The following RASEF variants were observed in gnomAD, a reference collection of about 807,000 sequenced individuals.
The protein encoded by RASEF is RAS and EF-hand domain containing, also known as ras and EF-hand domain-containing protein.
In RASEF, 68 loss-of-function variants were observed where a neutral mutation model predicts 90.1. That is an observed-to-expected ratio of 0.75 (90% CI 0.62 to 0.92). The LOEUF is 0.92. Ranked by LOEUF, RASEF falls within the 40% of genes least tolerant of loss-of-function variation. The probability of loss-of-function intolerance (pLI) is 0.00; values close to 1 mark genes in which losing one functional copy is unlikely to be tolerated. For synonymous variants in RASEF, 331 were observed against 345.2 expected, an observed-to-expected ratio of 0.96 and a Z score of 0.46; for missense variants, 949 against 937.2, an observed-to-expected ratio of 1.01 and a Z score of -0.16.
the RASEF span, among the ~76,000 whole-genome samples, chr9:83,187,846 C>T: frequency 6.6e-6 from 1 of 152,170 alleles, no homozygotes; most frequent in Admixed American, 6.5e-5. Flanking sequence ...CACAGCTACT[C>T]GATACTTTGC....
In RASEF at chr9:83,063,142, T is replaced by A. The variant is rs995602475; in HGVS notation, c.-275A>T. 8.9e-5 allele frequency: 38 copies of A among 424,982 alleles called. No homozygotes were observed. Among genetic ancestry groups the A allele is most frequent in the African/African-American group, 7.7e-4 (37 of 48,070 alleles). The allele number at this position is 424,982 out of a possible 1,614,324, so 26.3% of individuals were successfully genotyped here. ...ACCGCCAAGGAGCGCCTCCTGCGAC[T>A]GAGCGCCCAAGCGCCGAGGTGGCTC... On this transcript the variant is annotated 5_prime_UTR_variant, in exon 1 of 17. Coordinates refer to ENST00000376447, the MANE Select transcript of RASEF (RefSeq NM_152573.4).
chr9:83,013,524 A>G (rs1354238357), intron 4 of RASEF, among the ~76,000 whole-genome samples: 3 of 152,262 alleles, frequency 2.0e-5, no homozygotes, highest in African/African-American at 7.2e-5. Context: ...AATCAAGGAC[A>G]CAGTTAGTGG....
intron 3 of RASEF, among the ~76,000 whole-genome samples, chr9:83,016,483 C>T (rs1829345484): frequency 6.6e-6 from 1 of 151,766 alleles, no homozygotes; most frequent in Non-Finnish European, 1.5e-5. Context: ...GCTGAAACAT[C>T]TCTAAATTTA....
the RASEF span, among the ~76,000 whole-genome samples, chr9:83,207,086 A>G: frequency 2.0e-5 from 3 of 152,286 alleles, no homozygotes; most frequent in African/African-American, 7.2e-5. Context: ...TGCTCCGCAC[A>G]TGGAAATAGC....
the RASEF span, among the ~76,000 whole-genome samples, chr9:83,217,770 T>C: frequency 6.6e-6 from 1 of 152,224 alleles, no homozygotes; most frequent in Non-Finnish European, 1.5e-5. Flanking sequence ...ATACATTCGG[T>C]TTCCTCATTC....
rs145227089 is a variant in RASEF, at chr9:83,026,447, G to C, written c.432-526C>G. Among the ~76,000 whole-genome samples, 543 of 152,200 alleles carry C rather than the reference G, an allele frequency of 3.6e-3. 4 individuals are homozygous for C. The highest frequency in any genetic ancestry group is 0.012 in the African/African-American group (502 of 41,528). On this transcript the variant is annotated intron_variant, in intron 1 of 16. Coordinates refer to ENST00000376447, the MANE Select transcript of RASEF (RefSeq NM_152573.4). ...GGAAACTTACAAACATGGCAGAAGG[G>C]GAAGCAAGGATCTTCTTCACATGGT...
the RASEF span, among the ~76,000 whole-genome samples, chr9:83,176,765 C>T: frequency 1.3e-5 from 2 of 151,948 alleles, no homozygotes; most frequent in Non-Finnish European, 2.9e-5. Flanking sequence ...ATAGCTCTAT[C>T]ACCCTTTTCC....
At chr9:83,141,749 G>A in the RASEF span, among the ~76,000 whole-genome samples, 4 of 152,172 alleles carry the variant, frequency 2.6e-5, no homozygotes, top group Admixed American at 1.3e-4. Flanking sequence ...TGATGGTCTT[G>A]GTGATTAGGG....
chr9:83,109,195 C>A, the RASEF span, among the ~76,000 whole-genome samples: 1 of 152,164 alleles, frequency 6.6e-6, no homozygotes, highest in African/African-American at 2.4e-5. Flanking sequence ...TCTATTTAGC[C>A]CCCGTGGTGC....
chr9:83,135,501 A>C, the RASEF span, among the ~76,000 whole-genome samples: 4 of 152,260 alleles, frequency 2.6e-5, no homozygotes, highest in Admixed American at 1.3e-4. Context: ...AATTTAAAAA[A>C]TAAATAAATA....
chr9:83,181,259 A>G, the RASEF span, among the ~76,000 whole-genome samples: 2 of 151,936 alleles, frequency 1.3e-5, no homozygotes, highest in Non-Finnish European at 2.9e-5. Context: ...CTTGAGAGGC[A>G]TAAGAGTCAC....
chr9:83,146,716 C>A, the RASEF span, among the ~76,000 whole-genome samples: 2 of 152,154 alleles, frequency 1.3e-5, no homozygotes, highest in Admixed American at 1.3e-4. Flanking sequence ...TTTAAACAGT[C>A]ATTGTATCTA....
chr9:83,090,912 A>C, the RASEF span, among the ~76,000 whole-genome samples: 1 of 152,108 alleles, frequency 6.6e-6, no homozygotes. Context: ...TCCAGAGAAT[A>C]ATAATAAAGT....
At chr9:82,997,402 T>C (rs1828941801) in intron 13 of RASEF, among the ~76,000 whole-genome samples, 1 of 152,024 alleles carries the variant, frequency 6.6e-6, no homozygotes, top group South Asian at 2.1e-4. Context: ...CAGGGAAAGG[T>C]TGAGAGCACA....
chr9:82,986,641 A>G (rs1828717050), intron 16 of RASEF, among the ~76,000 whole-genome samples: 1 of 152,248 alleles, frequency 6.6e-6, no homozygotes. Flanking sequence ...AGGGCTCACC[A>G]AAATCTACCA....
the RASEF span, among the ~76,000 whole-genome samples, chr9:83,133,912 G>A: frequency 6.6e-6 from 1 of 152,100 alleles, no homozygotes; most frequent in East Asian, 1.9e-4. Context: ...AGGCAAATAA[G>A]AAACCAATGC....
chr9:83,132,947 A>G, the RASEF span, among the ~76,000 whole-genome samples: 2 of 152,244 alleles, frequency 1.3e-5, no homozygotes, highest in Non-Finnish European at 2.9e-5. Context: ...TCATACCAGC[A>G]GTATCACAGA....
chr9:83,168,046 G>C, the RASEF span, among the ~76,000 whole-genome samples: 1 of 152,086 alleles, frequency 6.6e-6, no homozygotes, highest in Non-Finnish European at 1.5e-5. Flanking sequence ...TGCTGGGTTG[G>C]TCAGATGGTT....
chr9:83,056,412 G>A (rs1015545737), intron 1 of RASEF, among the ~76,000 whole-genome samples: 3 of 152,128 alleles, frequency 2.0e-5, no homozygotes, highest in Admixed American at 1.3e-4. Context: ...TCCCTCTTCT[G>A]ACTACATACT....
Sources: allele counts gnomAD v4.1 joint callset (sites outside exome capture counted in the v4.1 genomes callset), GRCh38; gene constraint gnomAD v4.1.1; transcripts MANE v1.5; gene names NCBI Gene and HGNC (gene_info 2026-07-23, HGNC 2026-07-21).